The following SCN7A variants were observed in gnomAD, a reference collection of about 807,000 sequenced individuals.
SCN7A encodes sodium channel protein type 7 subunit alpha.
A neutral mutation model predicts 155.2 loss-of-function variants in SCN7A; 138 were observed. The ratio of observed to expected loss-of-function variants is 0.89; its 90% confidence interval spans 0.77 to 1.02. The LOEUF is 1.02. Ranked by LOEUF, SCN7A falls within the 50% of genes least tolerant of loss-of-function variation. The probability of loss-of-function intolerance (pLI) is 0.00; values close to 1 mark genes in which losing one functional copy is unlikely to be tolerated. For synonymous variants in SCN7A, 693 were observed against 649.0 expected (o/e 1.07, Z -1.03); for missense variants, 2,058 against 1,986.6 (o/e 1.04, Z -0.68).
At chr2:166,414,996 A>G (rs2105376614) in intron 21 of SCN7A, among the ~76,000 whole-genome samples, 1 of 130,410 alleles carries the variant, frequency 7.7e-6, no homozygotes, top group East Asian at 2.1e-4. Flanking sequence ...ATTATATAGG[A>G]TAATATATAA....
In SCN7A at chr2:166,406,572, T is replaced by C. The variant is rs755951872; in HGVS notation, c.4057A>G (p.Ile1353Val). The C allele has an allele frequency of 3.1e-6, 5 of 1,612,580 alleles. No individual in the cohort carries two copies. The African/African-American group carries it at 6.7e-5, about 22-fold the overall frequency. ...SLVQLILLSRIIHMLRLGKGP... is the reference protein window; with the variant it reads ...SLVQLILLSRVIHMLRLGKGP... ...TTTCCAAGACGCAGCATGTGAATGA[T>C]CCGTGAGAGAAGTATCAGTTGCACA... The change falls in exon 26 of 26, where the codon ATC becomes GTC. Residue 1353 changes from isoleucine to valine, a missense_variant. Coordinates refer to ENST00000643258, the MANE Select transcript of SCN7A (RefSeq NM_002976.4).
rs1309829745 is a variant in SCN7A, at chr2:166,462,391, G to T, written c.1081C>A (p.Gln361Lys). 1.3e-6 allele frequency: 2 copies of T among 1,586,498 alleles called. No individual in the cohort carries two copies. Among genetic ancestry groups the T allele is most frequent in the Non-Finnish European group, 1.7e-6 (2 of 1,165,162 alleles). ...GTACAATTTCTCTCTGTTCTTACCT[G>T]GTGATAAAGTACTTCAGGGTAATCC... ...AQDYPEVLYHQILYASGKVYM... is the reference protein window; with the variant it reads ...AQDYPEVLYHKILYASGKVYM... The change falls in exon 10 of 26, where the codon CAG (glutamine) becomes AAG (lysine). Residue 361 changes from glutamine (Q) to lysine (K), a missense_variant and splice_region_variant. Coordinates refer to ENST00000643258, the MANE Select transcript of SCN7A (RefSeq NM_002976.4).
intron 21 of SCN7A, chr2:166,414,869 T>C (rs1249358075): frequency 8.9e-6 from 1 of 112,242 alleles, no homozygotes; most frequent in Non-Finnish European, 1.8e-5. Context: ...ATATAATATA[T>C]ATTATATAGG....
At chr2:166,431,632 A>G (rs1701733328) in intron 16 of SCN7A, among the ~76,000 whole-genome samples, 1 of 152,088 alleles carries the variant, frequency 6.6e-6, no homozygotes, top group Admixed American at 6.6e-5. Context: ...TGTTTCCAGT[A>G]GGGTGTATAT....
chr2:166,416,945 A>T lies in SCN7A; in HGVS notation c.3176T>A (p.Leu1059Ter). 1 of 1,609,022 alleles carries T rather than the reference A, an allele frequency of 6.2e-7. No homozygotes were observed. The highest frequency in any genetic ancestry group is 1.3e-5 in the African/African-American group (1 of 75,000). Residue 1059 changes from leucine to a stop codon, truncating the protein, a stop_gained, in exon 21 of 26, where the codon TTG becomes TAG. Coordinates refer to ENST00000643258, the MANE Select transcript of SCN7A (RefSeq NM_002976.4). LOFTEE classifies it high-confidence loss of function. ...RALIKTTLPT[L>*]NVFLVCLMIW... is the part of the protein sequence containing the mutation. The stretch of plus-strand genomic sequence containing the variant: ...CATCAGGCAGACAAGAAACACATTC[A>T]AAGTGGGTAAGGTTGTTTTGATCAA...
intron 10 of SCN7A, among the ~76,000 whole-genome samples, chr2:166,460,157 T>C (rs1341420339): frequency 6.6e-6 from 1 of 152,056 alleles, no homozygotes; most frequent in Non-Finnish European, 1.5e-5. Context: ...TGGAGTACAA[T>C]AATGAAGATC....
At position 166,406,131 on chromosome 2, in the gene SCN7A, T is replaced by A. The variant is rs781490385; in HGVS notation, c.4498A>T (p.Asn1500Tyr). The A allele has an allele frequency of 1.2e-6, 2 of 1,612,010 alleles. No homozygotes were observed. The highest frequency in any genetic ancestry group is 1.7e-6 in the Non-Finnish European group (2 of 1,178,914). The change falls in exon 26 of 26, where the codon AAT becomes TAT. Residue 1500 changes from asparagine to tyrosine, a missense_variant. Transcript: ENST00000643258. ...TTGTTTTTCTTCTTAGAAGCAATAT[T>A]TAAAAACTCCATGACAACAACAATG... is the stretch of plus-strand genomic sequence containing the variant. ...MYIVVVMEFL[N>Y]IASKKKNKTL...
intron 2 of SCN7A, among the ~76,000 whole-genome samples, chr2:166,486,041 C>T (rs762885495): frequency 2.6e-5 from 4 of 152,182 alleles, no homozygotes; most frequent in African/African-American, 4.8e-5. Context: ...ACTTGCCCTT[C>T]ATCCTGAGGT....
chr2:166,454,251 G>A (rs1421248620), intron 11 of SCN7A, among the ~76,000 whole-genome samples: 3 of 152,036 alleles, frequency 2.0e-5, no homozygotes, highest in Non-Finnish European at 4.4e-5. Context: ...GAAGGACCCC[G>A]GACTCATTTC....
Position 166,444,782 on chromosome 2 carries a change from G to A in SCN7A, c.1606C>T (p.Leu536Phe). 6.3e-7 allele frequency: 1 copy of A among 1,582,612 alleles called. No homozygotes were observed. Among genetic ancestry groups the A allele is most frequent in the South Asian group, 1.1e-5 (1 of 87,954 alleles). Residue 536 changes from leucine to phenylalanine, a missense_variant, in exon 13 of 26, where the codon CTT (leucine) becomes TTT (phenylalanine). Physicochemically the swap from Leu to Phe is conservative, Grantham distance 22. Coordinates refer to ENST00000643258, the MANE Select transcript of SCN7A (RefSeq NM_002976.4). ...HYPMSKQTNTLLNIGNLVFIG... is the reference protein window; with the variant it reads ...HYPMSKQTNTFLNIGNLVFIG... ...CTTACCAGGTTTCCAATGTTGAGAA[G>A]AGTGTTAGTTTGTTTACTCATTGGA...
intron 15 of SCN7A, among the ~76,000 whole-genome samples, chr2:166,433,624 C>G (rs888813516): frequency 6.6e-6 from 1 of 152,128 alleles, no homozygotes; most frequent in Non-Finnish European, 1.5e-5. Flanking sequence ...CTGAGTCAAG[C>G]TGTCTCACCC....
chr2:166,445,585 T>TTC (rs71031246), intron 12 of SCN7A, among the ~76,000 whole-genome samples: 1 of 148,352 alleles, frequency 6.7e-6, no homozygotes, highest in Non-Finnish European at 1.5e-5. Flanking sequence ...GGAGCAAGCT[T>TTC]TCTCTCTCTC....
chr2:166,421,353 A>G (rs1197568792), intron 19 of SCN7A, 56 bp from the exon 20 acceptor site: 1 of 1,006,108 alleles, frequency 9.9e-7, no homozygotes, highest in Non-Finnish European at 1.4e-6. Context: ...TCAAAATAAC[A>G]TGTAAAATAA....
chr2:166,426,076 A>T (rs1162782213), intron 18 of SCN7A, among the ~76,000 whole-genome samples: 1 of 152,082 alleles, frequency 6.6e-6, no homozygotes, highest in African/African-American at 2.4e-5. Flanking sequence ...TGCTTTAGAG[A>T]GACATATGTG....
At chr2:166,489,225 T>C (rs191422487) in intron 1 of SCN7A, among the ~76,000 whole-genome samples, 19 of 152,284 alleles carry the variant, frequency 1.2e-4, no homozygotes, top group Middle Eastern at 3.4e-3. Flanking sequence ...AAATGTAAAG[T>C]TGAGAACAAC....
At chr2:166,441,063 C>G (rs927862400) in intron 15 of SCN7A, 12 of 377,986 alleles carry the variant, frequency 3.2e-5, no homozygotes, top group Admixed American at 8.8e-5. Context: ...CCATGGCTGA[C>G]CACAGGCAAC....
At chr2:166,472,720 T>C (rs894234596) in intron 5 of SCN7A, among the ~76,000 whole-genome samples, 2 of 151,934 alleles carry the variant, frequency 1.3e-5, no homozygotes, top group Non-Finnish European at 2.9e-5. Flanking sequence ...ATAGCATTTG[T>C]CATGACATTT....
intron 21 of SCN7A, 80 bp downstream of exon 21, chr2:166,416,627 G>T: frequency 2.5e-6 from 3 of 1,183,260 alleles, no homozygotes; most frequent in South Asian, 1.6e-5. Context: ...TGTATTAATC[G>T]CCCACATTTT....
intron 13 of SCN7A, among the ~76,000 whole-genome samples, chr2:166,444,127 A>AT (rs1702014070): frequency 6.6e-6 from 1 of 152,216 alleles, no homozygotes; most frequent in Non-Finnish European, 1.5e-5. Context: ...TGAAACTTCT[A>AT]GCAGTTTGGC....
Sources: gnomAD v4.1 joint callset for allele counts (sites outside exome capture counted in the v4.1 genomes callset) on GRCh38, gnomAD v4.1.1 for gene constraint, MANE v1.5 for transcripts, NCBI Gene and HGNC (gene_info 2026-07-23, HGNC 2026-07-21) for gene names.